Variants in PDE4B observed in about 807,000 individuals in gnomAD.
PDE4B encodes the protein 3',5'-cyclic-AMP phosphodiesterase 4B.
In PDE4B, 20 loss-of-function variants were observed where a neutral mutation model predicts 82.2. The ratio of observed to expected loss-of-function variants is 0.24; its 90% CI spans 0.17 to 0.35. PDE4B has a LOEUF of 0.35. Among genes scored for constraint, PDE4B ranks in the 10% least tolerant of loss-of-function variants. The pLI, the probability that PDE4B is intolerant of heterozygous loss-of-function variation, is 1.00. For missense variants in PDE4B, 655 were observed against 907.2 expected (o/e 0.72, Z 3.57); for synonymous variants, 320 against 318.9 (o/e 1.00, Z -0.04).
At chr1:65,985,016 A>G (rs1185380125) in intron 3 of PDE4B, among the ~76,000 whole-genome samples, 2 of 152,268 alleles carry the variant, frequency 1.3e-5, no homozygotes, top group East Asian at 1.9e-4. Context: ...CTAATGAGCC[A>G]TCATCATTAA....
intron 3 of PDE4B, among the ~76,000 whole-genome samples, chr1:66,147,838 T>C (rs925901455): frequency 3.9e-5 from 6 of 152,228 alleles, no homozygotes; most frequent in African/African-American, 1.4e-4. Context: ...TGATTTGCTA[T>C]TACTTTATCA....
At chr1:66,028,430 GT>G (rs778877549) in intron 3 of PDE4B, among the ~76,000 whole-genome samples, 10 of 152,212 alleles carry the variant, frequency 6.6e-5, no homozygotes, top group Admixed American at 6.5e-4. Flanking sequence ...TGCTGTGAAG[GT>G]CTCTGATGTG....
intron 3 of PDE4B, among the ~76,000 whole-genome samples, chr1:66,047,310 C>A (rs760558947): frequency 8.6e-5 from 13 of 151,826 alleles, no homozygotes; most frequent in Non-Finnish European, 1.6e-4. Flanking sequence ...TAAAATGACA[C>A]CTACCTTACT....
intron 7 of PDE4B, among the ~76,000 whole-genome samples, chr1:66,297,988 C>T (rs1481049765): frequency 1.3e-5 from 2 of 152,032 alleles, no homozygotes; most frequent in East Asian, 3.8e-4. Context: ...AAAGTCTGCC[C>T]AAAGCTGTTT....
intron 3 of PDE4B, among the ~76,000 whole-genome samples, chr1:66,167,120 G>A (rs539505448): frequency 6.6e-6 from 1 of 152,234 alleles, no homozygotes; most frequent in Admixed American, 6.5e-5. Context: ...AAAATGGTGT[G>A]ACCATATTGG....
At chr1:66,341,396 C>T (rs148145995) in intron 8 of PDE4B, among the ~76,000 whole-genome samples, 1 of 152,274 alleles carries the variant, frequency 6.6e-6, no homozygotes, top group Non-Finnish European at 1.5e-5. Context: ...TTAGACTTCT[C>T]ATTCTTCATT....
intron 7 of PDE4B, among the ~76,000 whole-genome samples, chr1:66,326,786 A>G (rs1659777963): frequency 6.6e-6 from 1 of 152,198 alleles, no homozygotes; most frequent in Non-Finnish European, 1.5e-5. Context: ...TTTGGGTAAT[A>G]TTGTGATGCT....
intron 3 of PDE4B, among the ~76,000 whole-genome samples, chr1:66,195,612 C>T (rs1262917817): frequency 6.6e-6 from 1 of 152,146 alleles, no homozygotes; most frequent in Non-Finnish European, 1.5e-5. Flanking sequence ...ACAAGTAGGT[C>T]CTTGGGACAA....
intron 8 of PDE4B, among the ~76,000 whole-genome samples, chr1:66,336,066 C>T (rs777377454): frequency 6.6e-6 from 1 of 152,200 alleles, no homozygotes; most frequent in Non-Finnish European, 1.5e-5. Flanking sequence ...CAAATAGCCT[C>T]AGCAGGGTCC....
At chr1:66,168,077 C>G (rs1646771434) in intron 3 of PDE4B, among the ~76,000 whole-genome samples, 3 of 152,150 alleles carry the variant, frequency 2.0e-5, no homozygotes, top group Admixed American at 2.0e-4. Context: ...ATGAAAATCA[C>G]TTCTATTTAT....
chr1:65,901,750 A>T (rs1646974195), intron 1 of PDE4B, among the ~76,000 whole-genome samples: 1 of 151,992 alleles, frequency 6.6e-6, no homozygotes, highest in African/African-American at 2.4e-5. Context: ...CAAAGAAACA[A>T]TTTTTGGTTT....
At chr1:65,937,440 T>G (rs1294951203) in intron 3 of PDE4B, among the ~76,000 whole-genome samples, 1 of 152,202 alleles carries the variant, frequency 6.6e-6, no homozygotes, top group Admixed American at 6.5e-5. Context: ...TATTTTATAC[T>G]TTTGTGCTGC....
At chr1:66,091,613 C>G (rs1453487415) in intron 3 of PDE4B, among the ~76,000 whole-genome samples, 1 of 151,908 alleles carries the variant, frequency 6.6e-6, no homozygotes, top group Non-Finnish European at 1.5e-5. Context: ...TAGACATATC[C>G]AGCAGATGAA....
intron 6 of PDE4B, among the ~76,000 whole-genome samples, chr1:66,260,698 C>A (rs559162226): frequency 6.6e-6 from 1 of 152,086 alleles, no homozygotes; most frequent in African/African-American, 2.4e-5. Flanking sequence ...TCAGCCCAAC[C>A]CTGCTGATTA....
intron 3 of PDE4B, among the ~76,000 whole-genome samples, chr1:66,021,775 G>C (rs1570002146): frequency 6.6e-6 from 1 of 152,120 alleles, no homozygotes; most frequent in East Asian, 1.9e-4. Context: ...TTTTGGCTTA[G>C]GATTGTCTTG....
intron 3 of PDE4B, among the ~76,000 whole-genome samples, chr1:66,064,165 A>C (rs1255161766): frequency 6.6e-6 from 1 of 152,014 alleles, no homozygotes; most frequent in East Asian, 1.9e-4. Flanking sequence ...CTTAGCCTTT[A>C]TCAGCAAAAA....
intron 2 of PDE4B, among the ~76,000 whole-genome samples, chr1:65,914,659 C>A (rs17128123): frequency 5.4e-5 from 8 of 149,452 alleles, no homozygotes; most frequent in Admixed American, 2.0e-4. Flanking sequence ...ATACTGTGTG[C>A]GCCAATATTT....
At chr1:66,056,532 C>CTATCATCT (rs761137821) in intron 3 of PDE4B, among the ~76,000 whole-genome samples, 7 of 130,712 alleles carry the variant, frequency 5.4e-5, no homozygotes, top group South Asian at 2.7e-4. Context: ...ATCTATCTAT[C>CTATCATCT]ATCTATCTAT....
chr1:66,324,555 G>A (rs576268678), intron 7 of PDE4B, among the ~76,000 whole-genome samples: 1 of 152,256 alleles, frequency 6.6e-6, no homozygotes, highest in East Asian at 1.9e-4. Context: ...AGAGCCAGTT[G>A]TGATTAGAAG....
Sources: gnomAD v4.1 joint callset for allele counts (sites outside exome capture counted in the v4.1 genomes callset) on GRCh38, gnomAD v4.1.1 for gene constraint, MANE v1.5 for transcripts, NCBI Gene and HGNC (gene_info 2026-07-23, HGNC 2026-07-21) for gene names.